RBFOX1: variants seen among roughly 807,000 people sequenced by gnomAD.
The protein encoded by RBFOX1 is RNA binding fox-1 homolog 1.
RBFOX1 carries 8 observed loss-of-function variants against 57.7 expected under a neutral mutation model. The observed-to-expected ratio is 0.14, with a 90% CI of 0.08 to 0.25. The LOEUF (loss-of-function observed/expected upper bound fraction) is 0.25, where lower values mean the gene tolerates loss of function less well. RBFOX1 is among the 10% of genes least tolerant of loss of function. RBFOX1 has a pLI of 1.00. For missense variants in RBFOX1, 611 were observed against 548.5 expected, an observed-to-expected ratio of 1.11 and a Z score of -1.14; for synonymous variants, 326 against 222.4, an observed-to-expected ratio of 1.47 and a Z score of -4.15.
At chr16:6,110,154 G>T (rs1228569477) in intron 1 of RBFOX1, among the ~76,000 whole-genome samples, 1 of 148,744 alleles carries the variant, frequency 6.7e-6, no homozygotes. Flanking sequence ...GATCACAACA[G>T]GTTTTTCACT....
intron 2 of RBFOX1, among the ~76,000 whole-genome samples, chr16:6,487,181 T>TAC (rs1491344811): frequency 6.7e-6 from 1 of 148,396 alleles, no homozygotes. Context: ...TGTGTGTGTG[T>TAC]ACCCAAAAGG....
At chr16:7,351,924 A>C (rs1203400511) in intron 4 of RBFOX1, among the ~76,000 whole-genome samples, 1 of 152,114 alleles carries the variant, frequency 6.6e-6, no homozygotes, top group Non-Finnish European at 1.5e-5. Context: ...ACCCCAGGAA[A>C]AGCCCACAGT....
At chr16:5,848,163 C>G (rs766798167) in intron 3 of RBFOX1, among the ~76,000 whole-genome samples, 1 of 152,084 alleles carries the variant, frequency 6.6e-6, no homozygotes, top group Non-Finnish European at 1.5e-5. Context: ...AGTTTGCAAG[C>G]AGGTTGCAGT....
At chr16:5,632,681 A>T (rs2048554494) in intron 3 of RBFOX1, 1 of 152,236 alleles carries the variant, frequency 6.6e-6, no homozygotes, top group Non-Finnish European at 1.5e-5. Context: ...CTATAAGGGC[A>T]TATTGGGAAG....
At chr16:6,786,801 C>T (rs1363492852) in intron 3 of RBFOX1, among the ~76,000 whole-genome samples, 3 of 152,076 alleles carry the variant, frequency 2.0e-5, no homozygotes, top group East Asian at 1.9e-4. Context: ...GAGGTCACAT[C>T]GAGGGTCATG....
intron 2 of RBFOX1, among the ~76,000 whole-genome samples, chr16:6,375,052 C>T (rs141750710): frequency 1.3e-5 from 2 of 152,008 alleles, no homozygotes; most frequent in Non-Finnish European, 2.9e-5. Context: ...CTGCTTGAGA[C>T]CTCGCCAGGT....
intron 14 of RBFOX1, among the ~76,000 whole-genome samples, chr16:7,701,056 C>T (rs2080521537): frequency 1.3e-5 from 2 of 152,124 alleles, no homozygotes; most frequent in Admixed American, 1.3e-4. Context: ...TTCCCTCCTA[C>T]TTCTCAGGGG....
At chr16:6,916,703 C>T (rs1364089228) in intron 3 of RBFOX1, among the ~76,000 whole-genome samples, 1 of 152,116 alleles carries the variant, frequency 6.6e-6, no homozygotes, top group Non-Finnish European at 1.5e-5. Context: ...CAGTTATGCC[C>T]ATTCCTACTT....
chr16:6,166,058 G>A (rs563967380), intron 1 of RBFOX1, among the ~76,000 whole-genome samples: 3 of 152,266 alleles, frequency 2.0e-5, no homozygotes, highest in South Asian at 2.1e-4. Flanking sequence ...GCAAAGGGCC[G>A]CAATTCTCAG....
chr16:5,607,834 G>A (rs756889131), intron 3 of RBFOX1, among the ~76,000 whole-genome samples: 24 of 152,160 alleles, frequency 1.6e-4, no homozygotes, highest in South Asian at 6.2e-4. Context: ...ATCCCTAGGA[G>A]AATCACCTAT....
At chr16:6,189,059 T>A (rs1346553110) in intron 1 of RBFOX1, among the ~76,000 whole-genome samples, 1 of 152,228 alleles carries the variant, frequency 6.6e-6, no homozygotes, top group African/African-American at 2.4e-5. Context: ...AAGTCTTCCA[T>A]GTTTTATGTG....
At chr16:6,150,177 G>C (rs2096787675) in intron 1 of RBFOX1, among the ~76,000 whole-genome samples, 1 of 152,202 alleles carries the variant, frequency 6.6e-6, no homozygotes, top group South Asian at 2.1e-4. Flanking sequence ...GTAATGCTGA[G>C]AGGAAGCATA....
Position 5,517,930 on chromosome 16 carries a change from C to CTGTGTGTGTGTGTGTGTGTGTGTG in RBFOX1, c.258+50686_258+50709dup, listed in dbSNP as rs71404527. 2.1e-5 allele frequency among the ~76,000 whole-genome samples: 3 copies of CTGTGTGTGTGTGTGTGTGTGTGTG among 144,182 alleles called. No homozygotes were observed. In the East Asian group the frequency reaches 6.2e-4, roughly 30 times the overall value. The allele number at this position is 144,182 out of a possible 152,430, so 94.6% of individuals were successfully genotyped here. A position where few individuals can be genotyped will look rare whatever the true frequency, so the allele number is the denominator to read the frequency against. On this transcript the variant is annotated intron_variant, in intron 2 of 2. Transcript: ENST00000585867. Reference sequence around the variant, plus strand: ...ATATTTATAAAATATGCAAAAGCTACTGTGTGTGTGTGTGTGTGTGTGTGT... The same window carrying CTGTGTGTGTGTGTGTGTGTGTGTG: ...ATATTTATAAAATATGCAAAAGCTACTGTGTGTGTGTGTGTGTGTGTGTGTGTGTGTGTGTGTGTGTGTGTGTGT...
chr16:6,965,910 G>C (rs1483731642), intron 3 of RBFOX1, among the ~76,000 whole-genome samples: 1 of 152,282 alleles, frequency 6.6e-6, no homozygotes, highest in East Asian at 1.9e-4. Flanking sequence ...CCGGGAAATA[G>C]TAGCAGAGTT....
intron 3 of RBFOX1, among the ~76,000 whole-genome samples, chr16:6,964,351 C>G (rs1023299609): frequency 7.9e-5 from 12 of 152,126 alleles, no homozygotes; most frequent in African/African-American, 2.2e-4. Flanking sequence ...TGAAAATACT[C>G]TATGTGACAC....
intron 5 of RBFOX1, among the ~76,000 whole-genome samples, chr16:7,559,324 T>C (rs1016690906): frequency 6.6e-6 from 1 of 152,196 alleles, no homozygotes; most frequent in South Asian, 2.1e-4. Flanking sequence ...TCAGTCTCTC[T>C]CTTTCTCACC....
intron 3 of RBFOX1, among the ~76,000 whole-genome samples, chr16:7,004,729 C>T (rs571264639): frequency 1.3e-5 from 2 of 152,054 alleles, no homozygotes; most frequent in African/African-American, 4.8e-5. Context: ...AGCTGGTATT[C>T]AAGAAAGGAG....
intron 1 of RBFOX1, among the ~76,000 whole-genome samples, chr16:5,411,589 T>C (rs1404371859): frequency 2.6e-5 from 4 of 152,190 alleles, no homozygotes; most frequent in Non-Finnish European, 5.9e-5. Context: ...TGTGGCAATT[T>C]GTTACAGCAG....
chr16:5,382,393 T>G (rs1311561497), intron 1 of RBFOX1, among the ~76,000 whole-genome samples: 3 of 30,804 alleles, frequency 9.7e-5, no homozygotes, highest in Non-Finnish European at 1.5e-4. Flanking sequence ...CATTTTCATC[T>G]TTTTTTTTTT....
Sources: gnomAD v4.1 joint callset for allele counts (sites outside exome capture counted in the v4.1 genomes callset) on GRCh38, gnomAD v4.1.1 for gene constraint, MANE v1.5 for transcripts, NCBI Gene and HGNC (gene_info 2026-07-23, HGNC 2026-07-21) for gene names.